RALYL: variants seen among roughly 807,000 people sequenced by gnomAD.
RALYL encodes the protein RALY RNA binding protein like, also known as RNA-binding Raly-like protein.
In RALYL, 29 loss-of-function variants were observed where a neutral mutation model predicts 35.1. That is an observed-to-expected ratio of 0.83 (90% confidence interval 0.61 to 1.13). RALYL has a LOEUF of 1.13. Among genes scored for constraint, RALYL ranks in the 50% most tolerant of loss-of-function variants. The pLI, the probability that RALYL is intolerant of heterozygous loss-of-function variation, is 0.00. For synonymous variants in RALYL, 120 were observed against 127.6 expected, an observed-to-expected ratio of 0.94 and a Z score of 0.40; for missense variants, 359 against 360.4, an observed-to-expected ratio of 1.00 and a Z score of 0.03.
intron 1 of RALYL, among the ~76,000 whole-genome samples, chr8:84,331,594 T>G (rs1256924095): frequency 6.6e-6 from 1 of 152,130 alleles, no homozygotes; most frequent in Non-Finnish European, 1.5e-5. Flanking sequence ...CAAGGTCCAC[T>G]GCAGGGATGA....
intron 2 of RALYL, among the ~76,000 whole-genome samples, chr8:84,535,768 C>T (rs900612361): frequency 6.6e-6 from 1 of 151,916 alleles, no homozygotes; most frequent in African/African-American, 2.4e-5. Flanking sequence ...CCACCGCGCC[C>T]GGCCGCATCC....
At chr8:84,669,485 C>A (rs1379188315) in intron 2 of RALYL, among the ~76,000 whole-genome samples, 2 of 23,494 alleles carry the variant, frequency 8.5e-5, no homozygotes, top group African/African-American at 3.8e-4. Flanking sequence ...CTCCCTCCCC[C>A]CTCCCCCCCC....
At chr8:84,721,451 A>T (rs1239492539) in intron 2 of RALYL, among the ~76,000 whole-genome samples, 1 of 152,146 alleles carries the variant, frequency 6.6e-6, no homozygotes, top group Admixed American at 6.6e-5. Flanking sequence ...TTTCTATTTA[A>T]TTTAAAGCTT....
chr8:84,523,203 T>A (rs1314084644), intron 1 of RALYL, among the ~76,000 whole-genome samples: 1 of 151,720 alleles, frequency 6.6e-6, no homozygotes, highest in East Asian at 1.9e-4. Context: ...GGCCTCACAA[T>A]CATGGCGGAA....
intron 1 of RALYL, among the ~76,000 whole-genome samples, chr8:84,461,362 G>A (rs1426852351): frequency 2.6e-5 from 4 of 151,604 alleles, no homozygotes; most frequent in African/African-American, 7.2e-5. Context: ...TTGCAAGAAT[G>A]AGGCTACAAG....
chr8:84,253,001 A>G (rs572186512), intron 1 of RALYL, among the ~76,000 whole-genome samples: 1 of 151,982 alleles, frequency 6.6e-6, no homozygotes, highest in Non-Finnish European at 1.5e-5. Context: ...AGTTTTCTAC[A>G]TAAGGACTTT....
rs140852591 is a variant in RALYL, at chr8:84,470,146, G to A, written c.-23-59153G>A. Among the ~76,000 whole-genome samples the A allele has an allele frequency of 2.6e-4, 39 of 152,180 alleles. 1 individual carries two copies. In the East Asian group the frequency reaches 5.8e-3, roughly 23 times the overall value. ...CTGTAGACAGGAGCTGTTCCTATTC[G>A]GCCATCTTGGCTCCTCCCTCCAAAA... On this transcript the variant is annotated intron_variant, in intron 1 of 8. Transcript: ENST00000521268.
intron 1 of RALYL, among the ~76,000 whole-genome samples, chr8:84,262,225 C>T (rs1832446173): frequency 6.6e-6 from 1 of 152,088 alleles, no homozygotes; most frequent in Non-Finnish European, 1.5e-5. Flanking sequence ...ATTCTGGCAA[C>T]TGTGTTATTT....
At chr8:84,734,614 C>A (rs1167219290) in intron 2 of RALYL, among the ~76,000 whole-genome samples, 1 of 152,050 alleles carries the variant, frequency 6.6e-6, no homozygotes, top group African/African-American at 2.4e-5. Context: ...TGGTGATATT[C>A]TGTTCTTGAC....
chr8:84,824,502 G>C (rs1016168558), intron 4 of RALYL, among the ~76,000 whole-genome samples: 3 of 151,764 alleles, frequency 2.0e-5, no homozygotes, highest in African/African-American at 7.3e-5. Flanking sequence ...CTCAGAACTA[G>C]AAAAAGCTAT....
At chr8:84,756,639 C>G (rs551155970) in intron 2 of RALYL, among the ~76,000 whole-genome samples, 33 of 152,022 alleles carry the variant, frequency 2.2e-4, no homozygotes, top group Non-Finnish European at 3.5e-4. Flanking sequence ...ATCCTGGAGC[C>G]CCACTCTGAG....
chr8:84,353,548 A>C (rs866338986), intron 1 of RALYL, among the ~76,000 whole-genome samples: 2 of 150,340 alleles, frequency 1.3e-5, no homozygotes, highest in South Asian at 2.1e-4. Flanking sequence ...TGTAGCTTGA[A>C]ATTTTCATCA....
intron 5 of RALYL, among the ~76,000 whole-genome samples, chr8:84,856,889 G>A (rs1028708526): frequency 2.0e-5 from 3 of 151,196 alleles, no homozygotes; most frequent in East Asian, 1.9e-4. Context: ...TTAGCCGGGC[G>A]CGGTGGCAGG....
At chr8:84,321,115 G>A (rs1178956498) in intron 1 of RALYL, among the ~76,000 whole-genome samples, 9 of 152,046 alleles carry the variant, frequency 5.9e-5, no homozygotes, top group South Asian at 2.1e-4. Flanking sequence ...AGATGGAAAC[G>A]GAAGTGAATA....
chr8:84,849,798 A>G (rs962541871), intron 4 of RALYL, among the ~76,000 whole-genome samples, 182 bp from the exon 5 acceptor site: 1 of 152,206 alleles, frequency 6.6e-6, no homozygotes, highest in Non-Finnish European at 1.5e-5. Flanking sequence ...AACATGTAAT[A>G]ATAATTTGGC....
chr8:84,604,791 CT>C (rs968530298), intron 2 of RALYL, among the ~76,000 whole-genome samples: 9 of 152,004 alleles, frequency 5.9e-5, no homozygotes, highest in African/African-American at 2.2e-4. Flanking sequence ...GTTTCCTGTT[CT>C]TTTTTAGAAG....
At chr8:84,474,848 A>G (rs576738710) in intron 1 of RALYL, among the ~76,000 whole-genome samples, 7 of 152,176 alleles carry the variant, frequency 4.6e-5, no homozygotes, top group South Asian at 2.1e-4. Flanking sequence ...GAAAAATCAC[A>G]AGTGTAACTG....
At chr8:84,842,647 C>G (rs1833694918) in intron 4 of RALYL, among the ~76,000 whole-genome samples, 1 of 152,128 alleles carries the variant, frequency 6.6e-6, no homozygotes, top group African/African-American at 2.4e-5. Context: ...ATATCAAAGC[C>G]TGGCAGAGAC....
At chr8:84,436,594 T>C (rs1229093295) in intron 1 of RALYL, among the ~76,000 whole-genome samples, 1 of 149,762 alleles carries the variant, frequency 6.7e-6, no homozygotes, top group African/African-American at 2.4e-5. Flanking sequence ...TACTTATTTA[T>C]TGTTTGGGAA....
Sources: allele counts gnomAD v4.1 joint callset (sites outside exome capture counted in the v4.1 genomes callset), GRCh38; gene constraint gnomAD v4.1.1; transcripts MANE v1.5; gene names NCBI Gene and HGNC (gene_info 2026-07-23, HGNC 2026-07-21).